Variants in ZMYND8 observed in about 807,000 individuals in gnomAD.
ZMYND8 encodes zinc finger MYND-type containing 8.
Under a neutral mutation model 140.8 loss-of-function variants are expected in ZMYND8, and 37 were observed. The observed-to-expected ratio is 0.26, with a 90% CI of 0.20 to 0.35. The LOEUF is 0.35. Ranked by LOEUF, ZMYND8 falls within the 10% of genes least tolerant of loss-of-function variation. The probability of loss-of-function intolerance (pLI) is 1.00; values close to 1 mark genes in which losing one functional copy is unlikely to be tolerated. For synonymous variants in ZMYND8, 592 were observed against 597.1 expected (o/e 0.99, Z 0.12); for missense variants, 1,068 against 1,570.0 (o/e 0.68, Z 5.40).
At chr20:47,269,972 G>A (rs1035254603) in intron 11 of ZMYND8, among the ~76,000 whole-genome samples, 1 of 152,182 alleles carries the variant, frequency 6.6e-6, no homozygotes, top group Non-Finnish European at 1.5e-5. Context: ...GACCAGGCAT[G>A]GTGCCTCATG....
chr20:47,262,384 C>A lies in ZMYND8; in HGVS notation c.1525G>T (p.Gly509Cys), dbSNP rs1160855899. The A allele has an allele frequency of 1.2e-6, 2 of 1,613,232 alleles. No individual in the cohort carries two copies. The highest frequency in any genetic ancestry group is 1.3e-5 in the African/African-American group (1 of 74,606). The change falls in exon 12 of 23, where the codon GGC (glycine) becomes TGC (cysteine). Residue 509 changes from glycine (G) to cysteine (C), a missense_variant. Physicochemically the swap from Gly to Cys is radical, Grantham distance 159. Around this residue, in one of 10 missense-constraint regions of ZMYND8, gnomAD observed 173 missense variants for 223.3 expected, o/e 0.77. Transcript: ENST00000471951. ...TKTGQAGSLS[G>C]SPKPFSPQLS... ...TGAGGAGAGAAGGGCTTTGGGCTGC[C>A]GGATAAACTCCCTGCTTGTCCCGTC...
At chr20:47,290,780 G>A (rs1046355764) in intron 6 of ZMYND8, among the ~76,000 whole-genome samples, 10 of 151,550 alleles carry the variant, frequency 6.6e-5, no homozygotes, top group Admixed American at 2.0e-4. Context: ...TAGTAGAGAC[G>A]GGGTTTCTCC....
intron 11 of ZMYND8, among the ~76,000 whole-genome samples, chr20:47,266,665 A>T (rs2075549877): frequency 6.6e-6 from 1 of 152,082 alleles, no homozygotes; most frequent in Admixed American, 6.6e-5. Context: ...TCCTAAACAT[A>T]TCCCAAATCT....
At chr20:47,226,751 T>G (rs57837596) in intron 18 of ZMYND8, among the ~76,000 whole-genome samples, 4,388 of 152,294 alleles carry the variant, frequency 0.029, 215 homozygotes, top group African/African-American at 0.099. Flanking sequence ...CCTTAACTTC[T>G]CAGGCTCAAG....
Position 47,210,849 on chromosome 20 carries a change from C to A in ZMYND8, c.3617G>T (p.Arg1206Met). 1 of 1,614,084 alleles carries A rather than the reference C, an allele frequency of 6.2e-7. No individual in the cohort carries two copies. The highest frequency in any genetic ancestry group is 1.1e-5 in the South Asian group (1 of 91,068). The change falls in exon 23 of 23, where the codon AGG (arginine) becomes ATG (methionine). Residue 1206 changes from arginine (R) to methionine (M), a missense_variant. Physicochemically the swap from Arg to Met is moderately conservative, Grantham distance 91 (BLOSUM62 -1). Around this residue, in one of 10 missense-constraint regions of ZMYND8, gnomAD observed 180 missense variants for 187.8 expected, o/e 0.96. Transcript: ENST00000471951. ...KSSWSSSDEK[R>M]GSTRSDHNTS... Reference sequence around the variant, plus strand: ...GTTGTGATCGGAACGTGTCGATCCCCTCTTCTCATCACTGCTGCTCCAACT... The same window carrying A: ...GTTGTGATCGGAACGTGTCGATCCCATCTTCTCATCACTGCTGCTCCAACT...
intron 16 of ZMYND8, among the ~76,000 whole-genome samples, chr20:47,234,620 G>C (rs1017579397): frequency 6.6e-6 from 1 of 152,168 alleles, no homozygotes; most frequent in African/African-American, 2.4e-5. Context: ...GGATAATAAA[G>C]GTGTGTGCTG....
chr20:47,238,792 C>T lies in ZMYND8; in HGVS notation c.2631G>A (p.Gln877=). Residue 877 remains glutamine (Q), a synonymous_variant, in exon 15 of 23, where the codon CAG becomes CAA. Transcript: ENST00000471951. ...QNQQQQPQSS[Q]GTRYQTRQAV... ...CCTGTCTGGTCTGATATCTCGTCCC[C>T]TGGGAAGACTGAGGCTGCTGCTGCT... The T allele has an allele frequency of 6.2e-7, 1 of 1,612,982 alleles. No homozygotes were observed. Among genetic ancestry groups the T allele is most frequent in the Non-Finnish European group, 8.5e-7 (1 of 1,179,994 alleles).
In ZMYND8 at chr20:47,246,137, G is replaced by C. The variant is rs1311292058; in HGVS notation, c.2155C>G (p.Pro719Ala). Reference sequence around the variant, plus strand: ...GAGTCCAGGCCCAAATGGACTGTTGGGGAATCCGTCTCATCTTTTCCCTTC... The same window carrying C: ...GAGTCCAGGCCCAAATGGACTGTTGCGGAATCCGTCTCATCTTTTCCCTTC... Reference protein sequence around the residue: ...KLKGKDETDSPTVHLGLDSDS... With the variant: ...KLKGKDETDSATVHLGLDSDS... The change falls in exon 14 of 23, where the codon CCA (proline) becomes GCA (alanine). Residue 719 changes from proline to alanine, a missense_variant. Pro to Ala is a conservative substitution (Grantham distance 27). Around this residue, in one of 10 missense-constraint regions of ZMYND8, gnomAD observed 383 missense variants for 431.2 expected, o/e 0.89. Transcript: ENST00000471951. The C allele has an allele frequency of 5.6e-6, 9 of 1,614,158 alleles. No individual in the cohort carries two copies. In the Admixed American group the frequency reaches 1.5e-4, roughly 27 times the overall value.
chr20:47,278,798 G>C (rs550005216), intron 10 of ZMYND8, among the ~76,000 whole-genome samples: 1 of 152,194 alleles, frequency 6.6e-6, no homozygotes, highest in African/African-American at 2.4e-5. Flanking sequence ...ATGCTCTCAA[G>C]GTAAGAGTTT....
At chr20:47,234,139 C>G (rs2038908118) in intron 16 of ZMYND8, among the ~76,000 whole-genome samples, 1 of 152,180 alleles carries the variant, frequency 6.6e-6, no homozygotes, top group Non-Finnish European at 1.5e-5. Flanking sequence ...ACCTCCACCT[C>G]CCAGGTTCAA....
intron 2 of ZMYND8, among the ~76,000 whole-genome samples, chr20:47,344,693 G>A (rs2082194003): frequency 6.6e-6 from 1 of 151,892 alleles, no homozygotes; most frequent in Non-Finnish European, 1.5e-5. Flanking sequence ...ACTAGTGTAT[G>A]ATGTTAATAA....
chr20:47,255,788 T>TCC (rs1382375272), intron 12 of ZMYND8, among the ~76,000 whole-genome samples: 1 of 126,790 alleles, frequency 7.9e-6, no homozygotes, highest in South Asian at 2.7e-4. Flanking sequence ...TATTTGTATG[T>TCC]GTATATATAT....
chr20:47,322,463 A>C (rs1352173532), intron 2 of ZMYND8, among the ~76,000 whole-genome samples: 3 of 132,600 alleles, frequency 2.3e-5, no homozygotes, highest in African/African-American at 9.0e-5. Context: ...TTTTTTCAGC[A>C]CAGAATCTCA....
intron 2 of ZMYND8, among the ~76,000 whole-genome samples, chr20:47,339,233 A>C (rs1224526270): frequency 6.6e-6 from 1 of 151,746 alleles, no homozygotes. Context: ...CGGCCTCCCA[A>C]AGTGCTGGGA....
At chr20:47,334,299 C>T (rs982577188) in intron 2 of ZMYND8, among the ~76,000 whole-genome samples, 3 of 152,134 alleles carry the variant, frequency 2.0e-5, no homozygotes, top group Non-Finnish European at 4.4e-5. Context: ...CTGTCACTTC[C>T]GCACCACTAT....
At chr20:47,227,993 T>C (rs1449114642) in intron 17 of ZMYND8, among the ~76,000 whole-genome samples, 2 of 151,528 alleles carry the variant, frequency 1.3e-5, no homozygotes, top group East Asian at 3.9e-4. Context: ...CTTGGGATGC[T>C]GAGGCATGAG....
intron 2 of ZMYND8, among the ~76,000 whole-genome samples, chr20:47,339,186 A>G (rs988919905): frequency 6.6e-6 from 1 of 151,372 alleles, no homozygotes; most frequent in Non-Finnish European, 1.5e-5. Context: ...GTTGGCCAAA[A>G]TGGTCTCGAT....
intron 2 of ZMYND8, among the ~76,000 whole-genome samples, chr20:47,345,812 T>G (rs1475957378): frequency 7.5e-6 from 1 of 134,174 alleles, no homozygotes; most frequent in Admixed American, 7.1e-5. Flanking sequence ...CTCTGTCCAC[T>G]TTTTTTTTTT....
chr20:47,330,644 C>T (rs1403075620), intron 2 of ZMYND8, among the ~76,000 whole-genome samples: 1 of 152,108 alleles, frequency 6.6e-6, no homozygotes, highest in African/African-American at 2.4e-5. Context: ...TCAAAGAGTA[C>T]TATGTCCCTA....
Sources: allele counts gnomAD v4.1 joint callset (sites outside exome capture counted in the v4.1 genomes callset), GRCh38; gene constraint gnomAD v4.1.1; regional missense constraint gnomAD v4.1.1; transcripts MANE v1.5; gene names NCBI Gene and HGNC (gene_info 2026-07-23, HGNC 2026-07-21).